Variants in DOCK9 observed in about 807,000 individuals in gnomAD.
DOCK9 encodes the protein dedicator of cytokinesis 9, also known as dedicator of cytokinesis protein 9.
In DOCK9, 89 loss-of-function variants were observed where a neutral mutation model predicts 263.3. The observed-to-expected ratio is 0.34, with a 90% CI of 0.28 to 0.40. DOCK9 has a LOEUF of 0.40. Ranked by LOEUF, DOCK9 falls within the 10% of genes least tolerant of loss-of-function variation. The probability of loss-of-function intolerance (pLI) is 1.00; values close to 1 mark genes in which losing one functional copy is unlikely to be tolerated. For missense variants in DOCK9, 2,140 were observed against 2,603.4 expected, an observed-to-expected ratio of 0.82 and a Z score of 3.87; for synonymous variants, 976 against 973.1, an observed-to-expected ratio of 1.00 and a Z score of -0.06.
At chr13:98,923,072 GAACA>G (rs572535315) in intron 5 of DOCK9, among the ~76,000 whole-genome samples, 25 of 152,272 alleles carry the variant, frequency 1.6e-4, no homozygotes, top group African/African-American at 6.0e-4. Flanking sequence ...AATGATCTCA[GAACA>G]AATAAACACA....
intron 1 of DOCK9, among the ~76,000 whole-genome samples, chr13:98,967,341 C>T (rs1313463823): frequency 6.6e-6 from 1 of 152,196 alleles, no homozygotes; most frequent in East Asian, 1.9e-4. Flanking sequence ...AGAATTTTAG[C>T]CCCTACAACA....
intron 48 of DOCK9, 21 bp downstream of exon 48, chr13:98,807,640 C>A (rs778316239): frequency 1.3e-5 from 20 of 1,575,788 alleles, no homozygotes; most frequent in Middle Eastern, 1.7e-4. Flanking sequence ...TGCTATGAAA[C>A]TTATCCAAAC....
At chr13:98,866,282 C>A (rs1278565828) in intron 30 of DOCK9, among the ~76,000 whole-genome samples, 2 of 152,146 alleles carry the variant, frequency 1.3e-5, no homozygotes, top group Admixed American at 1.3e-4. Flanking sequence ...CCAGGTTGTA[C>A]ACAACTTATT....
intron 23 of DOCK9, among the ~76,000 whole-genome samples, chr13:98,882,441 A>T (rs1213949565): frequency 6.6e-6 from 1 of 152,138 alleles, no homozygotes; most frequent in South Asian, 2.1e-4. Context: ...TCCTTGTTAA[A>T]CCAAACAAAT....
At chr13:99,008,226 ATATATATATTTT>A (rs1358697295) in intron 1 of DOCK9, among the ~76,000 whole-genome samples, 1 of 119,094 alleles carries the variant, frequency 8.4e-6, no homozygotes, top group African/African-American at 3.3e-5. Context: ...ATATATATAT[ATATATATATTTT>A]TTTTTTTTTT....
chr13:99,067,579 C>T (rs1020364859), intron 1 of DOCK9, among the ~76,000 whole-genome samples: 1 of 152,130 alleles, frequency 6.6e-6, no homozygotes, highest in African/African-American at 2.4e-5. Flanking sequence ...AGACTCAAAA[C>T]CAAATGATTT....
intron 1 of DOCK9, among the ~76,000 whole-genome samples, chr13:99,076,772 A>C (rs1422824141): frequency 3.9e-5 from 6 of 152,192 alleles, no homozygotes; most frequent in African/African-American, 1.4e-4. Flanking sequence ...AATATGACTG[A>C]GCCCCTGCTA....
intron 1 of DOCK9, among the ~76,000 whole-genome samples, chr13:99,031,291 C>T (rs919961323): frequency 2.0e-5 from 3 of 152,150 alleles, no homozygotes; most frequent in Non-Finnish European, 2.9e-5. Flanking sequence ...AGCCATGAGA[C>T]GTGGGTCACC....
chr13:98,967,357 A>T (rs2059313556), intron 1 of DOCK9, among the ~76,000 whole-genome samples: 1 of 152,216 alleles, frequency 6.6e-6, no homozygotes, highest in Non-Finnish European at 1.5e-5. Context: ...CAACATACAC[A>T]CCTTGCTGGA....
At chr13:99,003,784 T>A (rs992097364) in intron 1 of DOCK9, among the ~76,000 whole-genome samples, 3 of 152,178 alleles carry the variant, frequency 2.0e-5, no homozygotes, top group African/African-American at 7.2e-5. Flanking sequence ...AGTGTTCCTG[T>A]CTTGAGACCT....
intron 1 of DOCK9, among the ~76,000 whole-genome samples, chr13:98,968,643 T>C (rs1484869393): frequency 6.6e-6 from 1 of 152,200 alleles, no homozygotes. Flanking sequence ...GCAGAAATTA[T>C]ATGTATGGCT....
At chr13:98,988,904 C>T (rs1879079537) in intron 1 of DOCK9, among the ~76,000 whole-genome samples, 2 of 152,190 alleles carry the variant, frequency 1.3e-5, no homozygotes, top group South Asian at 2.1e-4. Context: ...CTGGAGATCT[C>T]GCTCCCAGGG....
rs1238638452 is a variant in DOCK9, at chr13:98,800,266, C to A, written c.5916+22G>T. The A allele has an allele frequency of 2.6e-6, 4 of 1,567,774 alleles. No homozygotes were observed. In the East Asian group the frequency reaches 9.4e-5, roughly 37 times the overall value. ...GGCAAGGACGTCCCCTGCTGCCCTCCGGCCTGCTGTGCCTGGCTCACCTGA... is the reference window on the plus strand; with the variant it reads ...GGCAAGGACGTCCCCTGCTGCCCTCAGGCCTGCTGTGCCTGGCTCACCTGA... On this transcript the variant is annotated intron_variant, in intron 50 of 52. Transcript: ENST00000682017.
At chr13:98,992,332 T>C (rs1567180229) in intron 1 of DOCK9, among the ~76,000 whole-genome samples, 2 of 152,172 alleles carry the variant, frequency 1.3e-5, no homozygotes, top group Non-Finnish European at 2.9e-5. Flanking sequence ...AGATGGTCTA[T>C]GTGGGAGTGT....
intron 27 of DOCK9, among the ~76,000 whole-genome samples, chr13:98,875,947 C>A (rs1341200767): frequency 6.6e-6 from 1 of 152,174 alleles, no homozygotes; most frequent in Non-Finnish European, 1.5e-5. Flanking sequence ...AGCAGGAGTG[C>A]AGCACTGGAA....
chr13:99,015,008 C>T (rs890972656), intron 1 of DOCK9, among the ~76,000 whole-genome samples: 1 of 152,176 alleles, frequency 6.6e-6, no homozygotes, highest in Non-Finnish European at 1.5e-5. Flanking sequence ...AATTTCTCCC[C>T]CCCGCATCAA....
intron 52 of DOCK9, 138 bp downstream of exon 52, chr13:98,796,977 T>C (rs544902661): frequency 8.0e-6 from 7 of 872,694 alleles, no homozygotes; most frequent in East Asian, 2.5e-5. Context: ...GGCTAGAGCA[T>C]GGCAGGAGTG....
chr13:98,810,112 T>A (rs2091164581), intron 46 of DOCK9, 57 bp downstream of exon 46: 1 of 1,608,238 alleles, frequency 6.2e-7, no homozygotes, highest in Non-Finnish European at 8.5e-7. Flanking sequence ...CAGGTCTGGG[T>A]ATATGTCACA....
At chr13:99,008,185 CCTCTCTCT>C (rs370963218) in intron 1 of DOCK9, among the ~76,000 whole-genome samples, 3,016 of 100,918 alleles carry the variant, frequency 0.03, 118 homozygotes, top group East Asian at 0.18. Flanking sequence ...TATTGTGCAG[CCTCTCTCT>C]CTCTCTCTCT....
Sources: gnomAD v4.1 joint callset for allele counts (sites outside exome capture counted in the v4.1 genomes callset) on GRCh38, gnomAD v4.1.1 for gene constraint, MANE v1.5 for transcripts, NCBI Gene and HGNC (gene_info 2026-07-23, HGNC 2026-07-21) for gene names.